AKAP7: variants seen among roughly 807,000 people sequenced by gnomAD.
The protein encoded by AKAP7 is A kinase (PRKA) anchor protein 7.
A neutral mutation model predicts 39.5 loss-of-function variants in AKAP7; 39 were observed. That is an observed-to-expected ratio of 0.99 (90% CI 0.76 to 1.29). The LOEUF (loss-of-function observed/expected upper bound fraction) is 1.29. AKAP7 is among the 50% of genes most tolerant of loss of function. The probability of loss-of-function intolerance (pLI) is 0.00; values close to 1 mark genes in which losing one functional copy is unlikely to be tolerated. For missense variants in AKAP7, 414 were observed against 407.7 expected (o/e 1.02, Z -0.13); for synonymous variants, 140 against 139.1 (o/e 1.01, Z -0.05).
chr6:131,144,635 A>G (rs1216969078), intron 1 of AKAP7, among the ~76,000 whole-genome samples: 5 of 152,234 alleles, frequency 3.3e-5, no homozygotes, highest in Non-Finnish European at 7.3e-5. Flanking sequence ...CACCCAAGGT[A>G]TATGATTGTT....
chr6:131,226,029 G>A (rs1180742680), intron 7 of AKAP7, among the ~76,000 whole-genome samples: 1 of 152,196 alleles, frequency 6.6e-6, no homozygotes, highest in Non-Finnish European at 1.5e-5. Context: ...TGAACAATCA[G>A]ATGAGGTGCC....
At chr6:131,195,647 C>T (rs1257253938) in intron 5 of AKAP7, among the ~76,000 whole-genome samples, 1 of 152,150 alleles carries the variant, frequency 6.6e-6, no homozygotes, top group Non-Finnish European at 1.5e-5. Context: ...TAAAATCCCT[C>T]AGCTTTTGTT....
intron 7 of AKAP7, among the ~76,000 whole-genome samples, chr6:131,267,010 C>G (rs1207555935): frequency 6.6e-6 from 1 of 152,078 alleles, no homozygotes; most frequent in Non-Finnish European, 1.5e-5. Context: ...TATGTGTTTG[C>G]TAGCTGAATA....
intron 7 of AKAP7, among the ~76,000 whole-genome samples, chr6:131,279,100 A>G (rs6927810): frequency 0.97 from 148,353 of 152,248 alleles, 72,306 homozygotes; most frequent in East Asian, 1. Flanking sequence ...TATACCTGGC[A>G]CATTGAAGAC....
At chr6:131,170,724 GA>G (rs1348321381) in intron 5 of AKAP7, among the ~76,000 whole-genome samples, 2 of 152,150 alleles carry the variant, frequency 1.3e-5, no homozygotes, top group African/African-American at 2.4e-5. Context: ...GTGTTCTTAA[GA>G]TATTTGTGAT....
chr6:131,231,770 T>A (rs1341881488), intron 7 of AKAP7, among the ~76,000 whole-genome samples: 1 of 152,144 alleles, frequency 6.6e-6, no homozygotes, highest in East Asian at 1.9e-4. Context: ...AGTATAATGT[T>A]CTTGAAAAAG....
At chr6:131,201,478 G>T (rs1287382166) in intron 6 of AKAP7, among the ~76,000 whole-genome samples, 3 of 152,130 alleles carry the variant, frequency 2.0e-5, no homozygotes, top group African/African-American at 7.2e-5. Context: ...GTTCCTTGTA[G>T]ATTCTGCATA....
rs949517599 is a variant in AKAP7, at chr6:131,219,951, A to G, written c.850+143A>G. ...AAATATTATGTTTTGACAATGATACATTGAAAATTTTCTAGAGCATTTTTC... is the reference window on the plus strand; with the variant it reads ...AAATATTATGTTTTGACAATGATACGTTGAAAATTTTCTAGAGCATTTTTC... On this transcript the variant is annotated intron_variant, in intron 7 of 7. Transcript: ENST00000431975. 6 of 584,104 alleles carry G rather than the reference A, an allele frequency of 1.0e-5. No homozygotes were observed. The African/African-American group carries it at 1.2e-4, about 12-fold the overall frequency. The allele number at this position is 584,104 out of a possible 1,614,324, so 36.2% of individuals were successfully genotyped here.
At chr6:131,253,063 G>T (rs182698978) in intron 7 of AKAP7, 4 of 1,613,734 alleles carry the variant, frequency 2.5e-6, no homozygotes, top group East Asian at 2.2e-5. Flanking sequence ...GTCCTCTGCA[G>T]TCCTACAGAG....
chr6:131,168,305 A>G (rs1803698588), intron 4 of AKAP7, among the ~76,000 whole-genome samples: 1 of 151,996 alleles, frequency 6.6e-6, no homozygotes. Context: ...CCAGCTACTC[A>G]GGAGGCTGAG....
At chr6:131,246,699 T>A (rs1169565316) in intron 7 of AKAP7, among the ~76,000 whole-genome samples, 2 of 152,208 alleles carry the variant, frequency 1.3e-5, no homozygotes, top group African/African-American at 4.8e-5. Flanking sequence ...TATCTTTAGG[T>A]CCTTTGTTTT....
chr6:131,188,036 C>T (rs1806038983), intron 5 of AKAP7, among the ~76,000 whole-genome samples: 1 of 152,204 alleles, frequency 6.6e-6, no homozygotes, highest in South Asian at 2.1e-4. Flanking sequence ...CAGTCTGGTT[C>T]TCTTTATCAA....
intron 7 of AKAP7, among the ~76,000 whole-genome samples, chr6:131,227,363 G>A (rs1390511705): frequency 6.6e-6 from 1 of 152,166 alleles, no homozygotes; most frequent in Non-Finnish European, 1.5e-5. Flanking sequence ...CAGAGTGGGA[G>A]GTTGCTAGGT....
intron 6 of AKAP7, among the ~76,000 whole-genome samples, chr6:131,210,927 C>G (rs1388043632): frequency 6.6e-6 from 1 of 152,218 alleles, no homozygotes; most frequent in Non-Finnish European, 1.5e-5. Context: ...ACTTTGTGCT[C>G]TTGGACTTCC....
At chr6:131,141,565 G>A (rs1289507133) in intron 1 of AKAP7, among the ~76,000 whole-genome samples, 1 of 152,214 alleles carries the variant, frequency 6.6e-6, no homozygotes, top group Non-Finnish European at 1.5e-5. Flanking sequence ...ACCTGAAAAG[G>A]TGGAAGTGGC....
intron 6 of AKAP7, chr6:131,199,942 T>C (rs1807375836): frequency 8.3e-6 from 2 of 239,636 alleles, no homozygotes; most frequent in Non-Finnish European, 1.6e-5. Context: ...TCTGCTGGCC[T>C]GTTACGCTGG....
intron 5 of AKAP7, among the ~76,000 whole-genome samples, chr6:131,198,139 A>G (rs1807144182): frequency 1.3e-5 from 2 of 152,268 alleles, no homozygotes; most frequent in Middle Eastern, 3.4e-3. Flanking sequence ...ACTCTTTTAC[A>G]TTATGTCAGA....
At chr6:131,140,665 A>G (rs1036586853) in intron 1 of AKAP7, among the ~76,000 whole-genome samples, 56 of 152,146 alleles carry the variant, frequency 3.7e-4, no homozygotes, top group Non-Finnish European at 8.8e-5. Context: ...TAGAGGAAAA[A>G]CAATGGTTGG....
At chr6:131,181,419 A>G (rs561666870) in intron 5 of AKAP7, among the ~76,000 whole-genome samples, 133 of 152,248 alleles carry the variant, frequency 8.7e-4, no homozygotes, top group Middle Eastern at 6.8e-3. Context: ...TTCTGTTCCT[A>G]TTGCTGTGCC....
Sources: allele counts gnomAD v4.1 joint callset (sites outside exome capture counted in the v4.1 genomes callset), GRCh38; gene constraint gnomAD v4.1.1; transcripts MANE v1.5; gene names NCBI Gene and HGNC (gene_info 2026-07-23, HGNC 2026-07-21).